The following PANK1 variants were observed in gnomAD, a reference collection of about 807,000 sequenced individuals.
PANK1 encodes the protein pantothenate kinase 1.
In PANK1, 18 loss-of-function variants were observed where a neutral mutation model predicts 40.1. That is an observed-to-expected ratio of 0.45 (90% CI 0.31 to 0.67). The LOEUF (loss-of-function observed/expected upper bound fraction) is 0.67, where lower values mean the gene tolerates loss of function less well. Among genes scored for constraint, PANK1 ranks in the 30% least tolerant of loss-of-function variants. The probability of loss-of-function intolerance (pLI) is 0.06; values close to 1 mark genes in which losing one functional copy is unlikely to be tolerated. For synonymous variants in PANK1, 242 were observed against 237.7 expected, an observed-to-expected ratio of 1.02 and a Z score of -0.17; for missense variants, 457 against 599.6, an observed-to-expected ratio of 0.76 and a Z score of 2.48.
chr10:89,635,980 G>A (rs1055413980), intron 1 of PANK1, among the ~76,000 whole-genome samples: 2 of 152,204 alleles, frequency 1.3e-5, no homozygotes, highest in Non-Finnish European at 2.9e-5. Context: ...GGGCCCCCAA[G>A]GCCTCAGGTA....
chr10:89,588,435 T>A (rs1469745304), intron 6 of PANK1, among the ~76,000 whole-genome samples: 1 of 152,210 alleles, frequency 6.6e-6, no homozygotes, highest in Non-Finnish European at 1.5e-5. Flanking sequence ...TTCCAGTGAC[T>A]TTTTAAAAAA....
At chr10:89,596,479 G>A (rs1256649905) in intron 3 of PANK1, among the ~76,000 whole-genome samples, 5 of 152,194 alleles carry the variant, frequency 3.3e-5, no homozygotes. Flanking sequence ...GAGGTAAAGC[G>A]AGCATGCATT....
rs1009986126 is a variant in PANK1, at chr10:89,595,532, G to T, written c.900-1543C>A. On this transcript the variant is annotated intron_variant, in intron 3 of 6. Transcript: ENST00000307534. ...TTGTCATTTGTATAAAAGTATACTT[G>T]ATTGAGGCCAGGCGTGGTGGCTTAT... is the stretch of plus-strand genomic sequence containing the variant. 2.0e-5 allele frequency among the ~76,000 whole-genome samples: 3 copies of T among 151,612 alleles called. No individual in the cohort carries two copies. The South Asian group carries it at 6.3e-4, about 32-fold the overall frequency.
chr10:89,624,560 GTC>G (rs984598051), intron 1 of PANK1, among the ~76,000 whole-genome samples: 1 of 152,064 alleles, frequency 6.6e-6, no homozygotes, highest in African/African-American at 2.4e-5. Flanking sequence ...TGTGAACCTG[GTC>G]TCTGTGACTT....
At chr10:89,606,577 G>A (rs1272359590) in intron 2 of PANK1, among the ~76,000 whole-genome samples, 3 of 151,972 alleles carry the variant, frequency 2.0e-5, no homozygotes, top group Non-Finnish European at 2.9e-5. Flanking sequence ...AGGCTGGAGT[G>A]CAGTGGCACA....
chr10:89,587,644 A>T (rs1844236099), intron 6 of PANK1, among the ~76,000 whole-genome samples: 1 of 152,244 alleles, frequency 6.6e-6, no homozygotes, highest in Non-Finnish European at 1.5e-5. Flanking sequence ...ACAGGACTCC[A>T]ATCGGAGAAA....
At chr10:89,607,987 A>G (rs1168194223) in intron 2 of PANK1, among the ~76,000 whole-genome samples, 1 of 150,244 alleles carries the variant, frequency 6.7e-6, no homozygotes, top group Admixed American at 6.6e-5. Context: ...TTTGAAGGCT[A>G]GTTTTTGCCA....
In PANK1 at chr10:89,599,521, C is replaced by A. The variant is rs749777623; in HGVS notation, c.646-16G>T. Reference sequence around the variant, plus strand: ...GGTCAGCAATCTAAAACAAAACACACAACAAAATAAAACCTTGTGAGATAG... The same window carrying A: ...GGTCAGCAATCTAAAACAAAACACAAAACAAAATAAAACCTTGTGAGATAG... On this transcript the variant is annotated splice_polypyrimidine_tract_variant and intron_variant, in intron 2 of 6. Coordinates refer to ENST00000307534, the MANE Select transcript of PANK1 (RefSeq NM_148977.3). 6.8e-6 allele frequency: 11 copies of A among 1,606,652 alleles called. No individual in the cohort carries two copies. Among genetic ancestry groups the A allele is most frequent in the Middle Eastern group, 1.7e-4 (1 of 6,006 alleles).
intron 2 of PANK1, among the ~76,000 whole-genome samples, chr10:89,600,577 C>G (rs1049808485): frequency 6.6e-6 from 1 of 152,150 alleles, no homozygotes; most frequent in Non-Finnish European, 1.5e-5. Flanking sequence ...AAAATGTTGG[C>G]TCTTTTATTA....
At chr10:89,628,291 T>C (rs1167197123) in intron 1 of PANK1, among the ~76,000 whole-genome samples, 1 of 152,226 alleles carries the variant, frequency 6.6e-6, no homozygotes, top group Non-Finnish European at 1.5e-5. Flanking sequence ...GTTAATCAAC[T>C]GATGAACATG....
chr10:89,594,889 A>G (rs1470706825), intron 3 of PANK1, among the ~76,000 whole-genome samples: 1 of 152,206 alleles, frequency 6.6e-6, no homozygotes, highest in African/African-American at 2.4e-5. Context: ...CCAGCAGGAA[A>G]AGGAGTATTG....
intron 1 of PANK1, among the ~76,000 whole-genome samples, chr10:89,613,225 CA>C (rs1845215904): frequency 6.6e-6 from 1 of 152,278 alleles, no homozygotes; most frequent in East Asian, 1.9e-4. Flanking sequence ...TTATTTCCCT[CA>C]CAGAATCCAT....
chr10:89,584,404 C>G lies in PANK1; in HGVS notation c.*2G>C, dbSNP rs534918359. ...GGAGGCTGTTTCCTCCACTGCTCGT[C>G]TCTACTTGTCATCAGTCATTTTGAA... On this transcript the variant is annotated 3_prime_UTR_variant, in exon 7 of 7. Coordinates refer to ENST00000307534, the MANE Select transcript of PANK1 (RefSeq NM_148977.3). The G allele has an allele frequency of 1.3e-6, 2 of 1,592,244 alleles. No individual in the cohort carries two copies. Among genetic ancestry groups the G allele is most frequent in the African/African-American group, 1.3e-5 (1 of 74,526 alleles).
chr10:89,611,296 A>C (rs758833022), intron 2 of PANK1, among the ~76,000 whole-genome samples: 10 of 152,218 alleles, frequency 6.6e-5, no homozygotes, highest in South Asian at 2.1e-4. Flanking sequence ...GATTCATAGA[A>C]GCCTTCCCAT....
chr10:89,620,072 G>C (rs892514577), intron 1 of PANK1, among the ~76,000 whole-genome samples: 1 of 110,138 alleles, frequency 9.1e-6, no homozygotes, highest in Non-Finnish European at 2.1e-5. Flanking sequence ...TTTCCTATGC[G>C]TCTTTAATCT....
chr10:89,585,692 C>T (rs1199167880), intron 6 of PANK1, among the ~76,000 whole-genome samples: 3 of 152,158 alleles, frequency 2.0e-5, no homozygotes, highest in Non-Finnish European at 2.9e-5. Context: ...GTCAGTAAAA[C>T]GCAGTGTTCT....
intron 1 of PANK1, among the ~76,000 whole-genome samples, chr10:89,618,147 C>A (rs1331332429): frequency 1.3e-5 from 2 of 152,154 alleles, no homozygotes; most frequent in Non-Finnish European, 2.9e-5. Context: ...CCTAAAGGAC[C>A]CTTCTCCACC....
At chr10:89,599,614 G>A in intron 2 of PANK1, 109 bp from the exon 3 acceptor site, 1 of 1,064,582 alleles carries the variant, frequency 9.4e-7, no homozygotes, top group Non-Finnish European at 1.4e-6. Flanking sequence ...AAAGCATGGA[G>A]ACACCCTTAA....
At chr10:89,599,800 T>A (rs549808367) in intron 2 of PANK1, among the ~76,000 whole-genome samples, 3 of 152,286 alleles carry the variant, frequency 2.0e-5, no homozygotes, top group Admixed American at 2.0e-4. Flanking sequence ...TGGCACTATG[T>A]CCTAATTCTG....
Sources: gnomAD v4.1 joint callset for allele counts (sites outside exome capture counted in the v4.1 genomes callset) on GRCh38, gnomAD v4.1.1 for gene constraint, MANE v1.5 for transcripts, NCBI Gene and HGNC (gene_info 2026-07-23, HGNC 2026-07-21) for gene names.